Variants in PCDHGB3 observed in about 807,000 individuals in gnomAD.
PCDHGB3 encodes the protein protocadherin gamma subfamily B, 3, also known as protocadherin gamma-B3.
In PCDHGB3, 40 loss-of-function variants were observed where a neutral mutation model predicts 59.2. The ratio of observed to expected loss-of-function variants is 0.68; its 90% CI spans 0.52 to 0.88. The LOEUF (loss-of-function observed/expected upper bound fraction) is 0.88, where lower values mean the gene tolerates loss of function less well. Among genes scored for constraint, PCDHGB3 ranks in the 40% least tolerant of loss-of-function variants. The pLI is 0.00. For synonymous variants in PCDHGB3, 581 were observed against 503.6 expected (o/e 1.15, Z -2.06); for missense variants, 1,309 against 1,187.9 (o/e 1.10, Z -1.50).
Position 141,476,140 on chromosome 5 carries a change from C to G in PCDHGB3, c.2416-18667C>G. On this transcript the variant is annotated intron_variant, in intron 1 of 3. Coordinates refer to ENST00000576222, the MANE Select transcript of PCDHGB3 (RefSeq NM_018924.5). This position sits in a 1 kb window ranked among gnomAD's most constrained non-coding sequence, Gnocchi z 7.6. ...AGATGGTCCCAGAGGCCTGGAGGAGCGGACTGGTAAGCACCGGGAGGGTAG... is the reference window on the plus strand; with the variant it reads ...AGATGGTCCCAGAGGCCTGGAGGAGGGGACTGGTAAGCACCGGGAGGGTAG... The G allele has an allele frequency of 2.5e-6, 4 of 1,609,222 alleles. No individual in the cohort carries two copies. Among genetic ancestry groups the G allele is most frequent in the Non-Finnish European group, 1.7e-6 (2 of 1,178,484 alleles).
intron 1 of PCDHGB3, chr5:141,390,221 C>T (rs764241687): frequency 5.8e-5 from 94 of 1,614,004 alleles, no homozygotes; most frequent in African/African-American, 2.0e-4. Context: ...ACATACTTTG[C>T]GGTGATTCAT....
intron 1 of PCDHGB3, chr5:141,395,873 G>A (rs1430280971): frequency 6.6e-6 from 1 of 152,046 alleles, no homozygotes; most frequent in Non-Finnish European, 1.5e-5. Flanking sequence ...TTAAGTATGT[G>A]AGTCAGTGGT....
At chr5:141,448,862 G>A (rs1406203589) in intron 1 of PCDHGB3, among the ~76,000 whole-genome samples, 2 of 151,996 alleles carry the variant, frequency 1.3e-5, no homozygotes, top group African/African-American at 2.4e-5. Context: ...GGAGAATGGC[G>A]TGAACCTGGG....
chr5:141,409,887 T>C, intron 1 of PCDHGB3: 2 of 1,613,062 alleles, frequency 1.2e-6, no homozygotes, highest in Admixed American at 1.7e-5. Context: ...GCACCGCGGG[T>C]GCTGTACCCA....
chr5:141,385,588 A>G (rs1290476871), intron 1 of PCDHGB3: 11 of 1,258,860 alleles, frequency 8.7e-6, no homozygotes, highest in East Asian at 3.3e-5. Context: ...CTATGTTCCA[A>G]CCTACTTTCT....
At position 141,490,118 on chromosome 5, in the gene PCDHGB3, T is replaced by G. The variant is rs1448768968; in HGVS notation, c.2416-4689T>G. The G allele has an allele frequency of 6.2e-7, 1 of 1,614,158 alleles. No individual in the cohort carries two copies. Among genetic ancestry groups the G allele is most frequent in the Non-Finnish European group, 8.5e-7 (1 of 1,180,048 alleles). On this transcript the variant is annotated intron_variant, in intron 1 of 3. Transcript: ENST00000576222. This position sits in a 1 kb window ranked among gnomAD's most constrained non-coding sequence, Gnocchi z 5.4. ...ACATCTGAGGCAGTGCGGAACCTCT[T>G]TGGCCTAGACCCTAGCAGTGGGGCA...
At chr5:141,412,948 G>A in intron 1 of PCDHGB3, 1 of 468,334 alleles carries the variant, frequency 2.1e-6, no homozygotes, top group Non-Finnish European at 3.7e-6. Context: ...TCTGAGCGCC[G>A]CTGTTCACCT....
chr5:141,385,638 T>A, intron 1 of PCDHGB3: 1 of 831,764 alleles, frequency 1.2e-6, no homozygotes, highest in Non-Finnish European at 1.5e-6. Context: ...ATCGAGTCTT[T>A]CATATTGCAC....
chr5:141,372,504 C>G lies in PCDHGB3; in HGVS notation c.2110C>G (p.Leu704Val). The G allele has an allele frequency of 6.2e-7, 1 of 1,614,052 alleles. No homozygotes were observed. Among genetic ancestry groups the G allele is most frequent in the South Asian group, 1.1e-5 (1 of 91,088 alleles). The stretch of plus-strand genomic sequence containing the variant: ...GTTGGCCTTGATCTCAGTGCTCTTC[C>G]TCCTCGCGGTGATTCTGGCAATCTC... ...VALALISVLFLLAVILAISLR... is the reference protein window; with the variant it reads ...VALALISVLFVLAVILAISLR... Residue 704 changes from leucine (L) to valine (V), a missense_variant, in exon 1 of 4, where the codon CTC (leucine) becomes GTC (valine). Leu to Val is a conservative substitution (Grantham distance 32). Coordinates refer to ENST00000576222, the MANE Select transcript of PCDHGB3 (RefSeq NM_018924.5).
At chr5:141,424,945 C>A (rs2096849463) in intron 1 of PCDHGB3, among the ~76,000 whole-genome samples, 1 of 152,186 alleles carries the variant, frequency 6.6e-6, no homozygotes, top group Admixed American at 6.5e-5. Flanking sequence ...TCTCACATCA[C>A]TTCTAGGTAT....
chr5:141,478,202 C>T, intron 1 of PCDHGB3: 1 of 1,614,074 alleles, frequency 6.2e-7, no homozygotes, highest in Non-Finnish European at 8.5e-7. Flanking sequence ...TTATCTACTT[C>T]TTTCTCTAAT....
chr5:141,461,167 C>T (rs917796588), intron 1 of PCDHGB3, among the ~76,000 whole-genome samples: 2 of 151,968 alleles, frequency 1.3e-5, no homozygotes, highest in Non-Finnish European at 2.9e-5. Context: ...AGTGGGATTG[C>T]TGGATTGAAT....
intron 1 of PCDHGB3, among the ~76,000 whole-genome samples, chr5:141,446,167 G>A (rs1357034077): frequency 6.6e-6 from 1 of 152,188 alleles, no homozygotes; most frequent in African/African-American, 2.4e-5. Flanking sequence ...ATTTCATGAG[G>A]GCAGGGGGTG....
Position 141,432,039 on chromosome 5 carries a change from G to C in PCDHGB3, c.2415+59230G>C. ...AACATCACAGTGACCGCCACTGACC[G>C]GGGAACCCCGCCCCTATCCACGGAA... On this transcript the variant is annotated intron_variant, in intron 1 of 3. Transcript: ENST00000576222. This position sits in a 1 kb window ranked among gnomAD's most constrained non-coding sequence, Gnocchi z 6.0. 6.2e-7 allele frequency: 1 copy of C among 1,614,176 alleles called. No homozygotes were observed. Among genetic ancestry groups the C allele is most frequent in the Non-Finnish European group, 8.5e-7 (1 of 1,180,028 alleles).
intron 1 of PCDHGB3, among the ~76,000 whole-genome samples, chr5:141,469,317 C>T (rs1354878667): frequency 6.6e-6 from 1 of 152,092 alleles, no homozygotes; most frequent in Non-Finnish European, 1.5e-5. Flanking sequence ...TGGCTCACGC[C>T]TGTAATCCCA....
intron 1 of PCDHGB3, chr5:141,394,893 G>T: frequency 4.3e-6 from 7 of 1,613,858 alleles, no homozygotes; most frequent in Non-Finnish European, 5.9e-6. Flanking sequence ...ACTCTATCTC[G>T]TGGTGGCAGT....
At chr5:141,456,687 A>G (rs1053490307) in intron 1 of PCDHGB3, among the ~76,000 whole-genome samples, 1 of 152,156 alleles carries the variant, frequency 6.6e-6, no homozygotes. Context: ...ATTACTGGCC[A>G]GGCGTGGTGG....
intron 1 of PCDHGB3, chr5:141,423,967 A>T (rs760284844): frequency 5.2e-6 from 6 of 1,153,616 alleles, no homozygotes; most frequent in Non-Finnish European, 6.5e-6. Context: ...TTTTTCTATT[A>T]TCAGTGTATG....
At chr5:141,484,383 A>C (rs968059260) in intron 1 of PCDHGB3, among the ~76,000 whole-genome samples, 1 of 152,194 alleles carries the variant, frequency 6.6e-6, no homozygotes, top group Non-Finnish European at 1.5e-5. Context: ...ATGTCTGAAT[A>C]AGAAAGGTTT....
Sources: allele counts gnomAD v4.1 joint callset (sites outside exome capture counted in the v4.1 genomes callset), GRCh38; gene constraint gnomAD v4.1.1; non-coding constraint Gnocchi (gnomAD v3.1); transcripts MANE v1.5; gene names NCBI Gene and HGNC (gene_info 2026-07-23, HGNC 2026-07-21).